Variants in FRMD4A observed in about 807,000 individuals in gnomAD.
FRMD4A encodes the protein FERM domain containing 4A, also known as FERM domain-containing protein 4A.
FRMD4A carries 29 observed loss-of-function variants against 129.1 expected under a neutral mutation model. The ratio of observed to expected loss-of-function variants is 0.22; its 90% CI spans 0.17 to 0.31. The LOEUF is 0.31. FRMD4A is among the 10% of genes least tolerant of loss of function. The pLI is 1.00. For missense variants in FRMD4A, 1,272 were observed against 1,375.8 expected, an observed-to-expected ratio of 0.92 and a Z score of 1.19; for synonymous variants, 634 against 571.6, an observed-to-expected ratio of 1.11 and a Z score of -1.56.
In FRMD4A at chr10:14,030,214, G is replaced by C. The variant is rs926156691; in HGVS notation, c.46-171302C>G. Among the ~76,000 whole-genome samples the C allele has an allele frequency of 4.6e-5, 7 of 152,294 alleles. No homozygotes were observed. In the East Asian group the frequency reaches 1.3e-3, roughly 29 times the overall value. ...GTGACTGAGTTAACAATGCTGTACTGTCTACTTGAAATTTGCTGAGAGGAT... is the reference window on the plus strand; with the variant it reads ...GTGACTGAGTTAACAATGCTGTACTCTCTACTTGAAATTTGCTGAGAGGAT... On this transcript the variant is annotated intron_variant, in intron 2 of 24. Coordinates refer to ENST00000357447, the MANE Select transcript of FRMD4A (RefSeq NM_018027.5).
At chr10:13,690,144 T>C (rs2085544173) in intron 15 of FRMD4A, among the ~76,000 whole-genome samples, 2 of 152,302 alleles carry the variant, frequency 1.3e-5, no homozygotes, top group African/African-American at 2.4e-5. Flanking sequence ...ATCCGGCAAG[T>C]GTAATAAGAG....
intron 2 of FRMD4A, among the ~76,000 whole-genome samples, chr10:13,937,010 G>A (rs999743934): frequency 6.6e-6 from 1 of 152,228 alleles, no homozygotes; most frequent in African/African-American, 2.4e-5. Context: ...AGGCAGGCAT[G>A]CATTGCCCTT....
At chr10:13,851,581 C>T (rs571985303) in intron 3 of FRMD4A, among the ~76,000 whole-genome samples, 34 of 152,160 alleles carry the variant, frequency 2.2e-4, no homozygotes, top group Non-Finnish European at 3.8e-4. Flanking sequence ...GAACTATACA[C>T]GTGAGGGATC....
intron 12 of FRMD4A, among the ~76,000 whole-genome samples, chr10:13,731,289 A>T (rs988591528): frequency 6.6e-6 from 1 of 152,152 alleles, no homozygotes; most frequent in Non-Finnish European, 1.5e-5. Context: ...GGGAAACATC[A>T]TTGGGTGAAG....
intron 2 of FRMD4A, among the ~76,000 whole-genome samples, chr10:14,067,923 A>G (rs1321861697): frequency 6.6e-6 from 1 of 152,244 alleles, no homozygotes; most frequent in Non-Finnish European, 1.5e-5. Context: ...TAGCAGTAGA[A>G]GTACCAGGGC....
chr10:13,695,865 G>C (rs2086179457), intron 14 of FRMD4A, among the ~76,000 whole-genome samples: 1 of 152,212 alleles, frequency 6.6e-6, no homozygotes. Flanking sequence ...GTCCAGCCAG[G>C]GCTGTCTGAA....
intron 2 of FRMD4A, among the ~76,000 whole-genome samples, chr10:13,992,407 C>T (rs1469958145): frequency 2.0e-5 from 3 of 152,158 alleles, no homozygotes; most frequent in Non-Finnish European, 4.4e-5. Flanking sequence ...CTTGCAGGCT[C>T]ACTGACCCCA....
chr10:14,292,557 T>C (rs1845881202), intron 2 of FRMD4A, among the ~76,000 whole-genome samples: 2 of 152,212 alleles, frequency 1.3e-5, no homozygotes, highest in Non-Finnish European at 2.9e-5. Context: ...CCCAGCACTT[T>C]GGGAGGCCAA....
chr10:14,030,822 A>T (rs1833203058), intron 2 of FRMD4A, among the ~76,000 whole-genome samples: 1 of 151,970 alleles, frequency 6.6e-6, no homozygotes, highest in Non-Finnish European at 1.5e-5. Context: ...TGTCTTTCCC[A>T]CTCAGGATGC....
At chr10:13,818,643 G>A (rs1398929018) in intron 3 of FRMD4A, among the ~76,000 whole-genome samples, 2 of 152,032 alleles carry the variant, frequency 1.3e-5, no homozygotes, top group Non-Finnish European at 2.9e-5. Flanking sequence ...TTTCAGGTAA[G>A]TTACTAAACC....
intron 2 of FRMD4A, among the ~76,000 whole-genome samples, chr10:13,939,053 C>A (rs2095270683): frequency 6.6e-6 from 1 of 152,172 alleles, no homozygotes; most frequent in African/African-American, 2.4e-5. Flanking sequence ...ATGATCTGGT[C>A]TGAAAAGTCA....
chr10:13,657,144 GC>G lies in FRMD4A; in HGVS notation c.2444del (p.Gly815AlafsTer82). On this transcript the variant is annotated frameshift_variant, in exon 22 of 25. Coordinates refer to ENST00000357447, the MANE Select transcript of FRMD4A (RefSeq NM_018027.5). LOFTEE classifies it high-confidence loss of function. Reference protein sequence around the residue: ...AARGGAGGAGGAGGGVYLHSQ... With the variant: ...AARGGAGGAGXAGGGVYLHSQ... Reference sequence around the variant, plus strand: ...TGTGCAGGTACACACCGCCCCCCGCGCCCCCCGCGCCCCCCGCACCCCCGCG... The same window carrying G: ...TGTGCAGGTACACACCGCCCCCCGCGCCCCCGCGCCCCCCGCACCCCCGCG... 1.4e-6 allele frequency: 2 copies of G among 1,380,522 alleles called. No homozygotes were observed. Among genetic ancestry groups the G allele is most frequent in the Non-Finnish European group, 1.9e-6 (2 of 1,039,092 alleles). The allele number at this position is 1,380,522 out of a possible 1,614,324, so 85.5% of individuals were successfully genotyped here.
chr10:14,008,156 G>C (rs1282236480), intron 2 of FRMD4A: 5 of 1,281,992 alleles, frequency 3.9e-6, no homozygotes, highest in Non-Finnish European at 5.1e-6. Flanking sequence ...CCACCATGGT[G>C]TACAGCTGTG....
chr10:13,867,929 AAT>A (rs955910439), intron 2 of FRMD4A, among the ~76,000 whole-genome samples: 2 of 143,372 alleles, frequency 1.4e-5, no homozygotes, highest in Admixed American at 7.3e-5. Context: ...TATAATAAAT[AAT>A]ATATATATAA....
intron 2 of FRMD4A, among the ~76,000 whole-genome samples, chr10:14,018,418 T>C (rs11258800): frequency 0.44 from 59,486 of 134,952 alleles, 13,595 homozygotes; most frequent in Middle Eastern, 0.54. Flanking sequence ...GTCGTGCCAC[T>C]GCACTCCAGC....
At chr10:13,731,525 T>G (rs2090321243) in intron 12 of FRMD4A, among the ~76,000 whole-genome samples, 1 of 151,928 alleles carries the variant, frequency 6.6e-6, no homozygotes, top group South Asian at 2.1e-4. Flanking sequence ...GGCACGTGCC[T>G]GTAATCCTAG....
chr10:14,151,221 C>T (rs902136730), intron 2 of FRMD4A, among the ~76,000 whole-genome samples: 2 of 152,168 alleles, frequency 1.3e-5, no homozygotes, highest in Admixed American at 6.5e-5. Context: ...ATATGTTCAT[C>T]GCAACAGTGG....
intron 2 of FRMD4A, among the ~76,000 whole-genome samples, chr10:14,170,243 A>G (rs1483737153): frequency 2.0e-5 from 3 of 152,210 alleles, no homozygotes; most frequent in South Asian, 4.1e-4. Context: ...ATCAGGAAAG[A>G]CAATTCTTGA....
intron 2 of FRMD4A, among the ~76,000 whole-genome samples, chr10:13,865,408 G>GTTTTATTTTATTTTATTTTA (rs56008576): frequency 0.041 from 5,151 of 127,070 alleles, 185 homozygotes; most frequent in East Asian, 0.073. Context: ...TATTTTATTT[G>GTTTTATTTTATTTTATTTTA]TTTTATTTTA....
Sources: gnomAD v4.1 joint callset for allele counts (sites outside exome capture counted in the v4.1 genomes callset) on GRCh38, gnomAD v4.1.1 for gene constraint, MANE v1.5 for transcripts, NCBI Gene and HGNC (gene_info 2026-07-23, HGNC 2026-07-21) for gene names.